Variants in CAMKMT observed in about 807,000 individuals in gnomAD.
CAMKMT encodes calmodulin-lysine N-methyltransferase.
A neutral mutation model predicts 48.0 loss-of-function variants in CAMKMT; 53 were observed. The observed-to-expected ratio is 1.10, with a 90% CI of 0.89 to 1.39. The LOEUF (loss-of-function observed/expected upper bound fraction) is 1.39. Ranked by LOEUF, CAMKMT falls within the 40% of genes most tolerant of loss-of-function variation. The probability of loss-of-function intolerance (pLI) is 0.00; values close to 1 mark genes in which losing one functional copy is unlikely to be tolerated. For synonymous variants in CAMKMT, 165 were observed against 152.3 expected (o/e 1.08, Z -0.61); for missense variants, 428 against 402.7 (o/e 1.06, Z -0.54).
chr2:44,586,162 AG>A (rs1669847208), intron 3 of CAMKMT, among the ~76,000 whole-genome samples: 2 of 152,226 alleles, frequency 1.3e-5, no homozygotes, highest in South Asian at 4.1e-4. Context: ...AAGGTGGCAT[AG>A]GTGTTAAAGG....
intron 3 of CAMKMT, among the ~76,000 whole-genome samples, chr2:44,671,388 A>G (rs1289375505): frequency 6.6e-6 from 1 of 152,264 alleles, no homozygotes; most frequent in African/African-American, 2.4e-5. Context: ...GGTAACAGGA[A>G]TACACTGCAA....
chr2:44,503,982 G>C (rs1572665379), intron 3 of CAMKMT, among the ~76,000 whole-genome samples: 2 of 58,304 alleles, frequency 3.4e-5, no homozygotes, highest in East Asian at 9.7e-4. Context: ...AAGAGCGGGT[G>C]GGGAGAGAGA....
chr2:44,444,621 G>A (rs550895866), intron 3 of CAMKMT, among the ~76,000 whole-genome samples: 1 of 152,280 alleles, frequency 6.6e-6, no homozygotes, highest in African/African-American at 2.4e-5. Flanking sequence ...TTAAGCTACT[G>A]TTCAAGTTAT....
chr2:44,551,897 G>T (rs1399067051), intron 3 of CAMKMT, among the ~76,000 whole-genome samples: 1 of 152,106 alleles, frequency 6.6e-6, no homozygotes. Context: ...CCTATGGAGA[G>T]CTTTCCTTTG....
chr2:44,384,689 C>G (rs1376875970), intron 2 of CAMKMT, among the ~76,000 whole-genome samples: 1 of 151,966 alleles, frequency 6.6e-6, no homozygotes, highest in Non-Finnish European at 1.5e-5. Context: ...CAGTTTCATT[C>G]TCTGCATATA....
intron 7 of CAMKMT, among the ~76,000 whole-genome samples, chr2:44,727,659 T>C (rs1327298959): frequency 6.6e-6 from 1 of 152,200 alleles, no homozygotes; most frequent in East Asian, 1.9e-4. Flanking sequence ...ATAGGAGTGG[T>C]GAGACTGGGA....
chr2:44,562,249 G>C (rs989678189), intron 3 of CAMKMT, among the ~76,000 whole-genome samples: 10 of 152,166 alleles, frequency 6.6e-5, no homozygotes, highest in African/African-American at 1.9e-4. Context: ...CAGGTCCAGA[G>C]CAGTTTTTAC....
intron 3 of CAMKMT, among the ~76,000 whole-genome samples, chr2:44,552,026 C>T (rs1205658136): frequency 6.6e-6 from 1 of 151,924 alleles, no homozygotes; most frequent in Non-Finnish European, 1.5e-5. Context: ...GGGACAAGTG[C>T]AGTTTTGTTA....
intron 7 of CAMKMT, among the ~76,000 whole-genome samples, chr2:44,720,299 A>T (rs1341620696): frequency 6.6e-6 from 1 of 152,100 alleles, no homozygotes; most frequent in Non-Finnish European, 1.5e-5. Context: ...GATTCTTTGG[A>T]TTTGCCCACT....
At chr2:44,557,120 A>G (rs1572792729) in intron 3 of CAMKMT, among the ~76,000 whole-genome samples, 2 of 152,214 alleles carry the variant, frequency 1.3e-5, no homozygotes, top group African/African-American at 4.8e-5. Context: ...TTCATTCATC[A>G]TTAATGATAA....
intron 6 of CAMKMT, 40 bp downstream of exon 6, chr2:44,707,502 T>A: frequency 6.5e-7 from 1 of 1,546,044 alleles, no homozygotes; most frequent in South Asian, 1.2e-5. Flanking sequence ...GTTGTGCTCA[T>A]TCCTTTTTCC....
intron 3 of CAMKMT, among the ~76,000 whole-genome samples, chr2:44,678,528 C>T (rs1379978460): frequency 6.6e-6 from 1 of 152,222 alleles, no homozygotes; most frequent in Non-Finnish European, 1.5e-5. Context: ...GAATTCATTA[C>T]TCCTGCCTCA....
chr2:44,378,273 G>T (rs540229171), intron 2 of CAMKMT, among the ~76,000 whole-genome samples: 3 of 151,850 alleles, frequency 2.0e-5, no homozygotes, highest in South Asian at 4.2e-4. Context: ...TTTATGTAAC[G>T]TGCTTACATA....
At chr2:44,409,031 C>T (rs912758558) in intron 3 of CAMKMT, among the ~76,000 whole-genome samples, 2 of 150,554 alleles carry the variant, frequency 1.3e-5, no homozygotes, top group South Asian at 2.1e-4. Flanking sequence ...CATGAGCCAC[C>T]GCACCCAGCC....
intron 3 of CAMKMT, among the ~76,000 whole-genome samples, chr2:44,497,581 G>C (rs915091902): frequency 6.6e-6 from 1 of 152,036 alleles, no homozygotes; most frequent in Admixed American, 6.6e-5. Context: ...ATTATTAACT[G>C]TTCTTTTGGG....
intron 3 of CAMKMT, among the ~76,000 whole-genome samples, chr2:44,412,551 G>A (rs1206045933): frequency 6.6e-6 from 1 of 151,946 alleles, no homozygotes; most frequent in Non-Finnish European, 1.5e-5. Context: ...GGCCAGGCTG[G>A]TCTTAAATTC....
intron 3 of CAMKMT, among the ~76,000 whole-genome samples, chr2:44,505,943 C>G (rs1298532821): frequency 6.6e-6 from 1 of 152,064 alleles, no homozygotes; most frequent in Non-Finnish European, 1.5e-5. Context: ...TCTTGGCTTA[C>G]TGCAACCTCC....
intron 3 of CAMKMT, among the ~76,000 whole-genome samples, chr2:44,486,583 T>G (rs1669228949): frequency 1.3e-5 from 2 of 152,200 alleles, no homozygotes; most frequent in African/African-American, 4.8e-5. Context: ...TGTTGCAAGG[T>G]TCTTCGGGCT....
At chr2:44,375,645 G>A (rs1679612710) in intron 2 of CAMKMT, among the ~76,000 whole-genome samples, 1 of 152,072 alleles carries the variant, frequency 6.6e-6, no homozygotes, top group Non-Finnish European at 1.5e-5. Context: ...CCCAGATGAT[G>A]GCAAAGATAC....
Sources: allele counts gnomAD v4.1 joint callset (sites outside exome capture counted in the v4.1 genomes callset), GRCh38; gene constraint gnomAD v4.1.1; transcripts MANE v1.5; gene names NCBI Gene and HGNC (gene_info 2026-07-23, HGNC 2026-07-21).